The following RFFL variants were observed in gnomAD, a reference collection of about 807,000 sequenced individuals.
RFFL encodes the protein ring finger and FYVE like domain containing E3 ubiquitin protein ligase.
Under a neutral mutation model 40.4 loss-of-function variants are expected in RFFL, and 16 were observed. The observed-to-expected ratio is 0.40, with a 90% CI of 0.27 to 0.60. The LOEUF is 0.60. Ranked by LOEUF, RFFL falls within the 20% of genes least tolerant of loss-of-function variation. The probability of loss-of-function intolerance (pLI) is 0.47; values close to 1 mark genes in which losing one functional copy is unlikely to be tolerated. For synonymous variants in RFFL, 154 were observed against 167.9 expected (o/e 0.92, Z 0.64); for missense variants, 367 against 451.7 (o/e 0.81, Z 1.70).
At chr17:35,045,745 G>A (rs900580580) in intron 1 of RFFL, among the ~76,000 whole-genome samples, 8 of 151,920 alleles carry the variant, frequency 5.3e-5, no homozygotes, top group African/African-American at 7.3e-5. Flanking sequence ...CACAATTGGC[G>A]AGGCACAGTG....
intron 5 of RFFL, among the ~76,000 whole-genome samples, chr17:35,015,814 G>T (rs911011447): frequency 2.0e-5 from 3 of 152,198 alleles, no homozygotes; most frequent in African/African-American, 7.2e-5. Context: ...CAGTAATGAA[G>T]ATATGAGGTA....
At chr17:35,047,791 A>C in intron 1 of RFFL, among the ~76,000 whole-genome samples, 2 of 145,594 alleles carry the variant, frequency 1.4e-5, no homozygotes, top group South Asian at 2.2e-4. Flanking sequence ...TCCCTCTGTC[A>C]CCCAGGCTGG....
Position 35,011,930 on chromosome 17 carries a change from A to T in RFFL, c.*38T>A, listed in dbSNP as rs550493727. ...ACCCTGAGCCCAGACACCCCAGGCT[A>T]TTTCCCTGTAAGGCACTGAAGAAAC... On this transcript the variant is annotated 3_prime_UTR_variant, in exon 7 of 7. Transcript: ENST00000394597. 2 of 1,601,786 alleles carry T rather than the reference A, an allele frequency of 1.2e-6. 1 individual carries two copies. The highest frequency in any genetic ancestry group is 2.2e-5 in the South Asian group (2 of 89,582).
intron 3 of RFFL, among the ~76,000 whole-genome samples, chr17:35,019,703 A>G (rs539105623): frequency 1.6e-4 from 24 of 152,070 alleles, no homozygotes; most frequent in African/African-American, 5.3e-4. Flanking sequence ...GAATTCCTCA[A>G]GTTCTTCTCC....
At chr17:35,079,859 G>C (rs1004407908) in intron 1 of RFFL, among the ~76,000 whole-genome samples, 2 of 152,240 alleles carry the variant, frequency 1.3e-5, no homozygotes, top group Non-Finnish European at 2.9e-5. Context: ...GTATACTTTA[G>C]CTCTGACACA....
At chr17:35,043,643 G>C (rs2091180147) in intron 1 of RFFL, among the ~76,000 whole-genome samples, 1 of 152,160 alleles carries the variant, frequency 6.6e-6, no homozygotes, top group Non-Finnish European at 1.5e-5. Context: ...GGCAGACACG[G>C]GGAAAATTGG....
intron 1 of RFFL, among the ~76,000 whole-genome samples, chr17:35,047,950 C>G (rs1398053241): frequency 6.6e-6 from 1 of 151,530 alleles, no homozygotes; most frequent in African/African-American, 2.4e-5. Context: ...CGGGGTTTCA[C>G]CACGTTGGCC....
At chr17:35,056,768 G>C (rs1192677906) in intron 1 of RFFL, among the ~76,000 whole-genome samples, 3 of 152,180 alleles carry the variant, frequency 2.0e-5, no homozygotes, top group East Asian at 1.9e-4. Context: ...CTCAAGAAGG[G>C]AGACAAACAC....
chr17:35,068,564 G>A (rs1426517136), upstream of RFFL, among the ~76,000 whole-genome samples: 1 of 152,206 alleles, frequency 6.6e-6, no homozygotes, highest in African/African-American at 2.4e-5. Context: ...GTCCCCACTG[G>A]TGCAGTTACC....
At chr17:35,059,728 T>C (rs1567713376) in intron 1 of RFFL, among the ~76,000 whole-genome samples, 1 of 152,200 alleles carries the variant, frequency 6.6e-6, no homozygotes, top group Non-Finnish European at 1.5e-5. Context: ...TCATGAAGAA[T>C]AATTAATAAA....
chr17:35,061,508 A>T (rs540527571), intron 1 of RFFL, among the ~76,000 whole-genome samples: 4 of 152,046 alleles, frequency 2.6e-5, no homozygotes, highest in South Asian at 4.1e-4. Context: ...CCTAGGCTGG[A>T]GTTCAGTGGC....
chr17:35,010,961 T>C lies in RFFL; in HGVS notation c.*1007A>G, dbSNP rs1254132283. ...CTCTCCAGGAACTTCAACAGCAGTCTGGCCAGAGAAGAGCACAGGCTCTTT... is the reference window on the plus strand; with the variant it reads ...CTCTCCAGGAACTTCAACAGCAGTCCGGCCAGAGAAGAGCACAGGCTCTTT... On this transcript the variant is annotated 3_prime_UTR_variant, in exon 7 of 7. Coordinates refer to ENST00000394597, the MANE Select transcript of RFFL (RefSeq NM_001017368.2). 1.3e-5 allele frequency: 2 copies of C among 152,242 alleles called. No homozygotes were observed. Among genetic ancestry groups the C allele is most frequent in the Non-Finnish European group, 2.9e-5 (2 of 68,060 alleles). The allele number at this position is 152,242 out of a possible 1,614,324, so 9.4% of individuals were successfully genotyped here.
chr17:35,039,087 T>G (rs1307444306), intron 1 of RFFL, among the ~76,000 whole-genome samples: 1 of 152,116 alleles, frequency 6.6e-6, no homozygotes, highest in African/African-American at 2.4e-5. Flanking sequence ...TGTATTTTTT[T>G]GTCTAGATGG....
At chr17:35,034,075 G>A (rs1318121246) in intron 1 of RFFL, among the ~76,000 whole-genome samples, 3 of 150,552 alleles carry the variant, frequency 2.0e-5, no homozygotes, top group Non-Finnish European at 2.9e-5. Flanking sequence ...CCCGGGAGGC[G>A]GAGCTTGCAG....
rs1296461708 is a variant in RFFL, at chr17:35,008,198, T to C, written c.*3770A>G. The C allele has an allele frequency of 6.6e-6, 1 of 152,252 alleles. No homozygotes were observed. Among genetic ancestry groups the C allele is most frequent in the Admixed American group, 6.5e-5 (1 of 15,286 alleles). 9.4% of individuals were successfully genotyped at this position (152,252 alleles called of 1,614,324 possible). ...CATCTCTTCTAGATCAGTGTAAATA[T>C]CTGAACTCACTTGGTGCTTCAACCC... On this transcript the variant is annotated 3_prime_UTR_variant, in exon 7 of 7. Transcript: ENST00000394597.
chr17:35,087,041 T>G (rs573874340), intron 1 of RFFL, among the ~76,000 whole-genome samples: 1 of 152,314 alleles, frequency 6.6e-6, no homozygotes, highest in East Asian at 1.9e-4. Flanking sequence ...TGCTGGTCAC[T>G]AAAAACGCCT....
intron 1 of RFFL, among the ~76,000 whole-genome samples, chr17:35,044,409 C>A (rs568769054): frequency 1.3e-5 from 2 of 152,124 alleles, no homozygotes; most frequent in Admixed American, 6.6e-5. Context: ...GTCAGCCAGG[C>A]GCGGCAGGCT....
At chr17:35,044,250 T>C (rs754573539) in intron 1 of RFFL, among the ~76,000 whole-genome samples, 17 of 152,222 alleles carry the variant, frequency 1.1e-4, no homozygotes, top group Non-Finnish European at 2.1e-4. Flanking sequence ...AATTTTTTAT[T>C]TTTATTTTTT....
intron 1 of RFFL, among the ~76,000 whole-genome samples, chr17:35,030,650 G>A (rs2091077038): frequency 6.6e-6 from 1 of 151,410 alleles, no homozygotes; most frequent in Admixed American, 6.6e-5. Flanking sequence ...GCCCAGGCTG[G>A]TCTCAAACTC....
Sources: gnomAD v4.1 joint callset for allele counts (sites outside exome capture counted in the v4.1 genomes callset) on GRCh38, gnomAD v4.1.1 for gene constraint, MANE v1.5 for transcripts, NCBI Gene and HGNC (gene_info 2026-07-23, HGNC 2026-07-21) for gene names.